SCN1A: variants seen among roughly 807,000 people sequenced by gnomAD.
SCN1A encodes the protein sodium channel protein type 1 subunit alpha.
Under a neutral mutation model 193.7 loss-of-function variants are expected in SCN1A, and 13 were observed. That is an observed-to-expected ratio of 0.07 (90% confidence interval 0.04 to 0.11). SCN1A has a LOEUF of 0.11. SCN1A is among the 10% of genes least tolerant of loss of function. The pLI is 1.00. For synonymous variants in SCN1A, 781 were observed against 843.6 expected (o/e 0.93, Z 1.29); for missense variants, 1,432 against 2,451.1 (o/e 0.58, Z 8.78).
chr2:166,122,597 A>C (rs1463028777), intron 2 of SCN1A, among the ~76,000 whole-genome samples: 1 of 152,210 alleles, frequency 6.6e-6, no homozygotes, highest in Admixed American at 6.5e-5. Context: ...ACGCATGGAC[A>C]ACAATGTTAA....
intron 12 of SCN1A, 114 bp downstream of exon 12, chr2:166,046,656 A>G: frequency 4.2e-6 from 4 of 958,214 alleles, no homozygotes; most frequent in Non-Finnish European, 4.8e-6. Context: ...AAAATATAGA[A>G]ATCATTATTA....
chr2:166,099,417 C>A (rs1450654392), intron 2 of SCN1A, among the ~76,000 whole-genome samples: 1 of 150,418 alleles, frequency 6.6e-6, no homozygotes, highest in African/African-American at 2.5e-5. Context: ...ACTGAATGGG[C>A]AAAAACTGGA....
chr2:165,998,104 C>T lies in SCN1A; in HGVS notation c.4410G>A (p.Gly1470=). 6.2e-7 allele frequency: 1 copy of T among 1,605,008 alleles called. No homozygotes were observed. Among genetic ancestry groups the T allele is most frequent in the Non-Finnish European group, 8.5e-7 (1 of 1,173,736 alleles). ...TAAACAGGTTCAAGGTGAAGAAGGA[C>T]CCAAAGATGATGAAAATAACAAAGT... ...YLYFVIFIIF[G]SFFTLNLFIG... The change falls in exon 26 of 29, where the codon GGG becomes GGA. Residue 1470 remains glycine (G), a synonymous_variant. Transcript: ENST00000674923.
At chr2:166,023,427 T>C (rs1694326310) in intron 19 of SCN1A, among the ~76,000 whole-genome samples, 2 of 152,262 alleles carry the variant, frequency 1.3e-5, no homozygotes, top group South Asian at 4.1e-4. Flanking sequence ...TGCGTGGCTT[T>C]GCTCAAATAA....
intron 1 of SCN1A, among the ~76,000 whole-genome samples, chr2:166,146,426 G>A (rs559488877): frequency 1.3e-5 from 2 of 152,224 alleles, no homozygotes; most frequent in Admixed American, 6.5e-5. Context: ...TTTTCATAGC[G>A]GAGCTAATCT....
intron 4 of SCN1A, among the ~76,000 whole-genome samples, chr2:166,063,460 A>G (rs1389489677): frequency 2.6e-5 from 4 of 152,122 alleles, no homozygotes; most frequent in Non-Finnish European, 5.9e-5. Context: ...AATTGATGGC[A>G]ATTCAGAATA....
At chr2:166,046,361 A>T (rs957342182) in intron 12 of SCN1A, among the ~76,000 whole-genome samples, 3 of 152,148 alleles carry the variant, frequency 2.0e-5, no homozygotes, top group Admixed American at 6.6e-5. Flanking sequence ...TTAAAAGCCA[A>T]CATATTTTTA....
chr2:166,057,004 A>C (rs1699200507), intron 5 of SCN1A, among the ~76,000 whole-genome samples: 1 of 152,102 alleles, frequency 6.6e-6, no homozygotes, highest in Non-Finnish European at 1.5e-5. Context: ...GCACGATGCT[A>C]ATTGTTGGGT....
At chr2:166,056,654 C>T in intron 5 of SCN1A, 154 bp from the exon 6 acceptor site, 1 of 646,942 alleles carries the variant, frequency 1.5e-6, no homozygotes, top group East Asian at 2.7e-5. Context: ...ATTTCAATTT[C>T]TTCATGTGTA....
chr2:166,146,987 A>G (rs1022408313), intron 1 of SCN1A, among the ~76,000 whole-genome samples: 2 of 152,210 alleles, frequency 1.3e-5, no homozygotes, highest in Non-Finnish European at 2.9e-5. Flanking sequence ...TATAATATTT[A>G]ACCAAATTAC....
intron 2 of SCN1A, among the ~76,000 whole-genome samples, chr2:166,097,504 A>G (rs1007532473): frequency 1.3e-5 from 2 of 152,186 alleles, no homozygotes; most frequent in Admixed American, 1.3e-4. Context: ...ATGTTTAAAA[A>G]AATGCTTATA....
At position 165,992,820 on chromosome 2, in the gene SCN1A, T is replaced by A. The variant is rs1689445861; in HGVS notation, c.4853-398A>T. On this transcript the variant is annotated intron_variant, in intron 28 of 28. Coordinates refer to ENST00000674923, the MANE Select transcript of SCN1A (RefSeq NM_001165963.4). This position sits in a 1 kb window ranked among gnomAD's most constrained non-coding sequence, Gnocchi z 6.5. Reference sequence around the variant, plus strand: ...TGAAATTGCCATATTCTAAATTCTCTATTTACTCCTTTTCCATCTGAAAGT... The same window carrying A: ...TGAAATTGCCATATTCTAAATTCTCAATTTACTCCTTTTCCATCTGAAAGT... 6.5e-6 allele frequency: 1 copy of A among 153,996 alleles called. No individual in the cohort carries two copies. The highest frequency in any genetic ancestry group is 1.4e-5 in the Non-Finnish European group (1 of 69,644). 9.5% of individuals were successfully genotyped at this position (153,996 alleles called of 1,614,324 possible).
chr2:166,065,812 A>G (rs76888842), intron 4 of SCN1A, among the ~76,000 whole-genome samples: 44 of 152,332 alleles, frequency 2.9e-4, no homozygotes, highest in Non-Finnish European at 5.1e-4. Flanking sequence ...TTTTAGGCAT[A>G]TAAGTCAGTG....
intron 19 of SCN1A, among the ~76,000 whole-genome samples, chr2:166,034,800 TAAGAAGAA>T (rs1696115084): frequency 6.6e-6 from 1 of 152,164 alleles, no homozygotes; most frequent in East Asian, 1.9e-4. Context: ...GGTGCACTTA[TAAGAAGAA>T]GAATAGACAC....
chr2:165,991,293 C>T lies in SCN1A; in HGVS notation c.5982G>A (p.Val1994=), dbSNP rs1395655339. Residue 1994 remains valine (V), a synonymous_variant, in exon 29 of 29, where the codon GTG becomes GTA. Coordinates refer to ENST00000674923, the MANE Select transcript of SCN1A (RefSeq NM_001165963.4). The part of the protein sequence containing the change: ...PSYDRVTKPI[V]EKHEQEGKDE... ...CTTTGCCTTCTTGCTCATGTTTTTC[C>T]ACAATTGGCTTTGTCACCCGGTCAT... The T allele has an allele frequency of 9.3e-6, 15 of 1,613,396 alleles. No homozygotes were observed. Among genetic ancestry groups the T allele is most frequent in the Non-Finnish European group, 1.2e-5 (14 of 1,179,818 alleles).
intron 24 of SCN1A, among the ~76,000 whole-genome samples, chr2:166,001,453 C>T (rs1007853902): frequency 2.0e-5 from 3 of 151,682 alleles, no homozygotes; most frequent in African/African-American, 4.8e-5. Flanking sequence ...GGGTTTTGAC[C>T]AGTGTTGGTT....
rs760249153 is a variant in SCN1A, at chr2:165,992,222, C to T, written c.5053G>A (p.Ala1685Thr). 6.2e-7 allele frequency: 1 copy of T among 1,613,712 alleles called. No homozygotes were observed. Among genetic ancestry groups the T allele is most frequent in the Non-Finnish European group, 8.5e-7 (1 of 1,179,866 alleles). ...LLLFLVMFIY[A>T]IFGMSNFAYV... Reference sequence around the variant, plus strand: ...GCAAAGTTGGACATCCCAAAGATGGCGTAGATGAACATGACTAGGAAGAGT... The same window carrying T: ...GCAAAGTTGGACATCCCAAAGATGGTGTAGATGAACATGACTAGGAAGAGT... Residue 1685 changes from alanine to threonine, a missense_variant, in exon 29 of 29, where the codon GCC becomes ACC. Transcript: ENST00000674923. This position sits in a 1 kb window ranked among gnomAD's most constrained non-coding sequence, Gnocchi z 6.5.
intron 5 of SCN1A, 106 bp downstream of exon 5, chr2:166,058,464 G>A (rs1699338095): frequency 1.5e-6 from 1 of 660,492 alleles, no homozygotes; most frequent in Non-Finnish European, 2.7e-6. Context: ...TGAGAGTGAT[G>A]AAAACTATAT....
At chr2:166,108,885 T>C (rs1404483580) in intron 2 of SCN1A, among the ~76,000 whole-genome samples, 1 of 152,162 alleles carries the variant, frequency 6.6e-6, no homozygotes, top group African/African-American at 2.4e-5. Context: ...TAATGATTGC[T>C]GCACAACTCT....
Sources: allele counts gnomAD v4.1 joint callset (sites outside exome capture counted in the v4.1 genomes callset), GRCh38; gene constraint gnomAD v4.1.1; non-coding constraint Gnocchi (gnomAD v3.1); transcripts MANE v1.5; gene names NCBI Gene and HGNC (gene_info 2026-07-23, HGNC 2026-07-21).